The following SEMA3A variants were observed in gnomAD, a reference collection of about 807,000 sequenced individuals.
SEMA3A encodes the protein semaphorin-3A.
A neutral mutation model predicts 97.9 loss-of-function variants in SEMA3A; 29 were observed. The ratio of observed to expected loss-of-function variants is 0.30; its 90% CI spans 0.22 to 0.40. The LOEUF (loss-of-function observed/expected upper bound fraction) is 0.40. Ranked by LOEUF, SEMA3A falls within the 10% of genes least tolerant of loss-of-function variation. The pLI, the probability that SEMA3A is intolerant of heterozygous loss-of-function variation, is 1.00. For synonymous variants in SEMA3A, 321 were observed against 323.7 expected (o/e 0.99, Z 0.09); for missense variants, 763 against 951.3 (o/e 0.80, Z 2.60).
intron 1 of SEMA3A, among the ~76,000 whole-genome samples, chr7:84,392,064 C>G (rs965466224): frequency 6.6e-6 from 1 of 152,000 alleles, no homozygotes; most frequent in African/African-American, 2.4e-5. Context: ...ATCAAGCTAA[C>G]CTTTCCATCA....
At chr7:84,424,582 ATT>A (rs1376654039) in intron 1 of SEMA3A, among the ~76,000 whole-genome samples, 16,136 of 77,346 alleles carry the variant, frequency 0.21, 1,861 homozygotes, top group African/African-American at 0.28. Context: ...ATTAATATAT[ATT>A]ATATATAATA....
At chr7:84,090,878 C>A (rs1794544758) in intron 4 of SEMA3A, among the ~76,000 whole-genome samples, 1 of 151,250 alleles carries the variant, frequency 6.6e-6, no homozygotes, top group South Asian at 2.1e-4. Flanking sequence ...ACCAGCCTAG[C>A]CAACATGGTG....
intron 2 of SEMA3A, among the ~76,000 whole-genome samples, chr7:84,329,479 A>T (rs905011108): frequency 5.9e-5 from 9 of 152,018 alleles, no homozygotes; most frequent in South Asian, 2.1e-4. Flanking sequence ...ACTTCTCCCA[A>T]TGTGGCCCAC....
At chr7:84,163,078 C>T (rs962863044) in intron 1 of SEMA3A, among the ~76,000 whole-genome samples, 1 of 152,088 alleles carries the variant, frequency 6.6e-6, no homozygotes, top group African/African-American at 2.4e-5. Flanking sequence ...ATACCACTAA[C>T]TTTTATTTTA....
chr7:84,471,374 A>C (rs1474903732), intron 1 of SEMA3A, among the ~76,000 whole-genome samples: 2 of 152,120 alleles, frequency 1.3e-5, no homozygotes, highest in Non-Finnish European at 2.9e-5. Flanking sequence ...CAGACACATA[A>C]AGCTTTAAAA....
intron 1 of SEMA3A, among the ~76,000 whole-genome samples, chr7:84,486,959 T>A (rs1333633707): frequency 6.6e-6 from 1 of 152,038 alleles, no homozygotes; most frequent in Non-Finnish European, 1.5e-5. Flanking sequence ...TTCCTCTCTG[T>A]CTCTCTCATA....
upstream of SEMA3A, among the ~76,000 whole-genome samples, chr7:84,198,681 T>C (rs564300147): frequency 5.3e-5 from 8 of 152,354 alleles, no homozygotes; most frequent in African/African-American, 1.9e-4. Flanking sequence ...AGCTTTCAAA[T>C]ATGATTAACT....
chr7:84,449,104 T>C (rs1364769917), intron 1 of SEMA3A, among the ~76,000 whole-genome samples: 1 of 152,176 alleles, frequency 6.6e-6, no homozygotes, highest in Non-Finnish European at 1.5e-5. Context: ...AAGAATAAAC[T>C]TGGACCTTTA....
intron 1 of SEMA3A, among the ~76,000 whole-genome samples, chr7:84,146,397 T>A (rs943568411): frequency 1.3e-5 from 2 of 152,180 alleles, no homozygotes; most frequent in African/African-American, 4.8e-5. Flanking sequence ...GTCTCCTGGC[T>A]CCACATTCGA....
At chr7:84,214,806 C>T (rs953024714) in intron 3 of SEMA3A, among the ~76,000 whole-genome samples, 4 of 150,300 alleles carry the variant, frequency 2.7e-5, no homozygotes, top group Non-Finnish European at 4.4e-5. Flanking sequence ...TCAAGCAATT[C>T]TCCTGCCCCA....
At position 84,005,530 on chromosome 7, in the gene SEMA3A, T is replaced by A. The variant is rs375782262; in HGVS notation, c.1169A>T (p.Asp390Val). ...TCPSKTFGGF[D>V]STKDLPDDVI... ...ATCATCAGGAAGGTCCTTTGTAGAGTCAAAACCACCAAATGTTTTGCTGGG... is the reference window on the plus strand; with the variant it reads ...ATCATCAGGAAGGTCCTTTGTAGAGACAAAACCACCAAATGTTTTGCTGGG... Residue 390 changes from aspartate to valine, a missense_variant, in exon 11 of 17, where the codon GAC (aspartate) becomes GTC (valine). Asp to Val is a radical substitution (Grantham distance 152, BLOSUM62 -3). Coordinates refer to ENST00000265362, the MANE Select transcript of SEMA3A (RefSeq NM_006080.3). 2.0e-5 allele frequency: 33 copies of A among 1,613,394 alleles called. No individual in the cohort carries two copies. Among genetic ancestry groups the A allele is most frequent in the Non-Finnish European group, 2.6e-5 (31 of 1,179,592 alleles).
chr7:84,392,005 C>T (rs904341016), intron 1 of SEMA3A, among the ~76,000 whole-genome samples: 1 of 150,396 alleles, frequency 6.6e-6, no homozygotes, highest in Admixed American at 6.7e-5. Context: ...ATATATTTAT[C>T]GAGTATAAAG....
chr7:84,142,435 CAGAT>C (rs1184517616), intron 1 of SEMA3A, among the ~76,000 whole-genome samples: 3 of 152,078 alleles, frequency 2.0e-5, no homozygotes, highest in South Asian at 4.1e-4. Flanking sequence ...GAAATTGACT[CAGAT>C]AGGCTATCAG....
chr7:83,989,779 C>T (rs1299185377), intron 12 of SEMA3A, among the ~76,000 whole-genome samples: 79 of 148,984 alleles, frequency 5.3e-4, no homozygotes, highest in Admixed American at 1.6e-3. Context: ...AATAAACATA[C>T]GTGTGCATGT....
intron 1 of SEMA3A, among the ~76,000 whole-genome samples, chr7:84,486,128 G>A (rs767606069): frequency 3.3e-5 from 5 of 152,124 alleles, no homozygotes; most frequent in East Asian, 1.9e-4. Flanking sequence ...GGTGGCTCAC[G>A]CCTGTAATCC....
chr7:83,993,072 T>G (rs1790032985), intron 12 of SEMA3A, among the ~76,000 whole-genome samples: 1 of 141,060 alleles, frequency 7.1e-6, no homozygotes. Context: ...CATTATGTAA[T>G]GGCCTTCTTT....
At chr7:84,309,098 G>C (rs531792196) in intron 2 of SEMA3A, among the ~76,000 whole-genome samples, 3 of 152,216 alleles carry the variant, frequency 2.0e-5, no homozygotes, top group Admixed American at 1.3e-4. Context: ...GATTACAGGC[G>C]TGAGCTACCA....
chr7:84,364,265 A>G (rs890062591), intron 2 of SEMA3A, among the ~76,000 whole-genome samples: 2 of 151,776 alleles, frequency 1.3e-5, no homozygotes, highest in African/African-American at 4.8e-5. Flanking sequence ...ATATACTGAC[A>G]TAATCCTTAG....
intron 1 of SEMA3A, among the ~76,000 whole-genome samples, chr7:84,147,594 C>T (rs996366846): frequency 6.6e-6 from 1 of 152,150 alleles, no homozygotes. Context: ...GCTTGTGTGG[C>T]TGGCGGCAGA....
Sources: gnomAD v4.1 joint callset for allele counts (sites outside exome capture counted in the v4.1 genomes callset) on GRCh38, gnomAD v4.1.1 for gene constraint, MANE v1.5 for transcripts, NCBI Gene and HGNC (gene_info 2026-07-23, HGNC 2026-07-21) for gene names.